Variants in FAM81B observed in about 807,000 individuals in gnomAD.
FAM81B encodes the protein protein FAM81B.
A neutral mutation model predicts 58.7 loss-of-function variants in FAM81B; 60 were observed. The ratio of observed to expected loss-of-function variants is 1.02; its 90% CI spans 0.83 to 1.27. FAM81B has a LOEUF of 1.27. FAM81B is among the 50% of genes most tolerant of loss of function. The pLI is 0.00. For synonymous variants in FAM81B, 189 were observed against 179.6 expected, an observed-to-expected ratio of 1.05 and a Z score of -0.42; for missense variants, 491 against 522.0, an observed-to-expected ratio of 0.94 and a Z score of 0.58.
chr5:95,450,254 G>A lies in FAM81B; in HGVS notation c.1331G>A (p.Arg444His), dbSNP rs117093563. The A allele has an allele frequency of 7.5e-4, 1,203 of 1,612,942 alleles. 10 individuals are homozygous for A. The East Asian group carries it at 0.017, about 23-fold the overall frequency. The change falls in exon 10 of 10, where the codon CGC becomes CAC. Residue 444 changes from arginine to histidine, a missense_variant. Arg to His is a conservative substitution (Grantham distance 29, BLOSUM62 0). Transcript: ENST00000283357. ...KVQKDLKKLQRKIVELQEV is the reference protein window; with the variant it reads ...KVQKDLKKLQHKIVELQEV ...CAGAAAGACCTAAAGAAATTACAGCGCAAGATAGTGGAACTCCAGGAAGTA... is the reference window on the plus strand; with the variant it reads ...CAGAAAGACCTAAAGAAATTACAGCACAAGATAGTGGAACTCCAGGAAGTA...
intron 3 of FAM81B, among the ~76,000 whole-genome samples, chr5:95,402,706 C>G (rs1363917824): frequency 6.6e-6 from 1 of 152,160 alleles, no homozygotes; most frequent in African/African-American, 2.4e-5. Context: ...GGTCTGCCCT[C>G]GCATTGCTCT....
At chr5:95,416,341 T>C (rs1256955178) in intron 4 of FAM81B, among the ~76,000 whole-genome samples, 1 of 152,224 alleles carries the variant, frequency 6.6e-6, no homozygotes, top group Non-Finnish European at 1.5e-5. Context: ...AAAAAATTTT[T>C]TTAATCTACC....
intron 9 of FAM81B, 169 bp downstream of exon 9, chr5:95,448,633 G>A: frequency 5.9e-6 from 4 of 673,408 alleles, no homozygotes; most frequent in Non-Finnish European, 1.0e-5. Flanking sequence ...TATACTGGAA[G>A]GCATATAAAT....
At chr5:95,424,141 T>C (rs1762762003) in intron 5 of FAM81B, 2 of 1,289,684 alleles carry the variant, frequency 1.6e-6, no homozygotes, top group African/African-American at 1.5e-5. Flanking sequence ...CAAGCCTGAA[T>C]AGAGGATGCT....
At chr5:95,419,942 A>G (rs1315868594) in intron 4 of FAM81B, among the ~76,000 whole-genome samples, 2 of 152,214 alleles carry the variant, frequency 1.3e-5, no homozygotes, top group South Asian at 2.1e-4. Context: ...TATCAACACA[A>G]TGCATGTTCT....
intron 3 of FAM81B, among the ~76,000 whole-genome samples, chr5:95,398,606 G>T (rs189518877): frequency 2.6e-5 from 4 of 152,066 alleles, no homozygotes; most frequent in Middle Eastern, 3.4e-3. Context: ...AACCTATATG[G>T]GTATATTTAC....
chr5:95,441,425 C>T (rs1254800820), intron 7 of FAM81B, among the ~76,000 whole-genome samples: 13 of 151,862 alleles, frequency 8.6e-5, no homozygotes, highest in Non-Finnish European at 1.8e-4. Flanking sequence ...AAAAATTAGC[C>T]GGCCGTGGTG....
At chr5:95,428,904 A>G (rs1350685785) in intron 6 of FAM81B, among the ~76,000 whole-genome samples, 172 bp downstream of exon 6, 2 of 152,184 alleles carry the variant, frequency 1.3e-5, no homozygotes, top group Admixed American at 6.5e-5. Context: ...AATTCAATCA[A>G]CAAATGTTTA....
Position 95,406,706 on chromosome 5 carries a change from C to G in FAM81B, c.294-7241C>G, listed in dbSNP as rs187431507. ...CAGTTTAAAATAGCCCCCACCACCC[C>G]AGGGGTTTTTCACTTTCTCCAAGTC... is the stretch of plus-strand genomic sequence containing the variant. On this transcript the variant is annotated intron_variant, in intron 3 of 9. Coordinates refer to ENST00000283357, the MANE Select transcript of FAM81B (RefSeq NM_152548.3). 4.2e-3 allele frequency among the ~76,000 whole-genome samples: 634 copies of G among 152,258 alleles called. 3 individuals carry two copies. Among genetic ancestry groups the G allele is most frequent in the South Asian group, 0.012 (56 of 4,812 alleles).
chr5:95,416,271 C>A (rs1762536193), intron 4 of FAM81B, among the ~76,000 whole-genome samples: 1 of 152,172 alleles, frequency 6.6e-6, no homozygotes. Flanking sequence ...TGCAAGTTGG[C>A]TATCAAGATC....
At chr5:95,411,776 G>A (rs1762411141) in intron 3 of FAM81B, among the ~76,000 whole-genome samples, 1 of 152,080 alleles carries the variant, frequency 6.6e-6, no homozygotes, top group Non-Finnish European at 1.5e-5. Flanking sequence ...TCATTTATTG[G>A]GGAAGTTTCA....
chr5:95,400,437 C>T (rs62365003), intron 3 of FAM81B, among the ~76,000 whole-genome samples: 5,409 of 94,352 alleles, frequency 0.057, 181 homozygotes, highest in African/African-American at 0.16. Flanking sequence ...CATACATACA[C>T]ACACACACAC....
At chr5:95,423,965 C>A in intron 5 of FAM81B, 2 of 1,265,482 alleles carry the variant, frequency 1.6e-6, no homozygotes, top group South Asian at 2.5e-5. Flanking sequence ...AACATGTCCC[C>A]TTAGAGATTC....
At chr5:95,448,560 G>T (rs1471734076) in intron 9 of FAM81B, 96 bp downstream of exon 9, 47 of 1,146,202 alleles carry the variant, frequency 4.1e-5, no homozygotes, top group Non-Finnish European at 5.7e-5. Context: ...GATCAATCTT[G>T]TCATTAGTGA....
chr5:95,399,638 T>TTAAGACCTTC (rs1762055771), intron 3 of FAM81B, among the ~76,000 whole-genome samples: 1 of 152,208 alleles, frequency 6.6e-6, no homozygotes, highest in Admixed American at 6.5e-5. Flanking sequence ...CTTGTCACAT[T>TTAAGACCTTC]TAAGACCTTC....
rs147245664 is a variant in FAM81B, at chr5:95,395,547, C to G, written c.229-564C>G. Among the ~76,000 whole-genome samples, 238 of 151,358 alleles carry G rather than the reference C, an allele frequency of 1.6e-3. 4 individuals carry two copies. The highest frequency in any genetic ancestry group is 5.2e-3 in the African/African-American group (213 of 41,306). ...TCATAAAAATGCTGCAAATTATCAA[C>G]TTTCATGAAAATAGAACTTTCTAGT... On this transcript the variant is annotated intron_variant, in intron 2 of 9. Transcript: ENST00000283357.
At chr5:95,426,112 ATATATATATATG>A (rs942497947) in intron 5 of FAM81B, among the ~76,000 whole-genome samples, 26 of 134,598 alleles carry the variant, frequency 1.9e-4, no homozygotes, top group East Asian at 6.1e-4. Flanking sequence ...ATATATATAT[ATATATATATATG>A]TACACATATA....
At chr5:95,416,592 C>T (rs35196747) in intron 4 of FAM81B, among the ~76,000 whole-genome samples, 2 of 152,134 alleles carry the variant, frequency 1.3e-5, no homozygotes, top group Non-Finnish European at 2.9e-5. Flanking sequence ...CACAATTCAA[C>T]CACCAAATGG....
rs762412576 is a variant in FAM81B, at chr5:95,424,119, G to A, written c.656+3717G>A. The A allele has an allele frequency of 2.2e-5, 28 of 1,289,692 alleles. No homozygotes were observed. The South Asian group carries it at 3.2e-4, about 15-fold the overall frequency. The allele number at this position is 1,289,692 out of a possible 1,614,324, so 79.9% of individuals were successfully genotyped here. On this transcript the variant is annotated intron_variant, in intron 5 of 9. Coordinates refer to ENST00000283357, the MANE Select transcript of FAM81B (RefSeq NM_152548.3). ...GTGCGACAGGCTGAGGAAGGAGAGAGATTTGATACTGCAAGCCTGAATAGA... is the reference window on the plus strand; with the variant it reads ...GTGCGACAGGCTGAGGAAGGAGAGAAATTTGATACTGCAAGCCTGAATAGA...
Sources: allele counts gnomAD v4.1 joint callset (sites outside exome capture counted in the v4.1 genomes callset), GRCh38; gene constraint gnomAD v4.1.1; transcripts MANE v1.5; gene names NCBI Gene and HGNC (gene_info 2026-07-23, HGNC 2026-07-21).